RIC1: variants seen among roughly 807,000 people sequenced by gnomAD.
The protein encoded by RIC1 is guanine nucleotide exchange factor subunit RIC1.
In RIC1, 88 loss-of-function variants were observed where a neutral mutation model predicts 169.0. The ratio of observed to expected loss-of-function variants is 0.52; its 90% confidence interval spans 0.44 to 0.62. The LOEUF (loss-of-function observed/expected upper bound fraction) is 0.62, where lower values mean the gene tolerates loss of function less well. RIC1 is among the 20% of genes least tolerant of loss of function. The probability of loss-of-function intolerance (pLI) is 0.00; values close to 1 mark genes in which losing one functional copy is unlikely to be tolerated. For synonymous variants in RIC1, 790 were observed against 601.5 expected (o/e 1.31, Z -4.59); for missense variants, 1,877 against 1,725.5 (o/e 1.09, Z -1.56).
chr9:5,654,892 G>A (rs1181186230), intron 1 of RIC1, among the ~76,000 whole-genome samples: 1 of 152,014 alleles, frequency 6.6e-6, no homozygotes, highest in Non-Finnish European at 1.5e-5. Context: ...CTTTTTTATT[G>A]CTGGTATATA....
chr9:5,736,217 G>A (rs1824694026), intron 7 of RIC1, among the ~76,000 whole-genome samples: 1 of 152,174 alleles, frequency 6.6e-6, no homozygotes, highest in Non-Finnish European at 1.5e-5. Context: ...ACTTAGTGCT[G>A]TCTCTCAGCA....
At chr9:5,690,442 A>G (rs563545765) in intron 3 of RIC1, among the ~76,000 whole-genome samples, 72 of 152,148 alleles carry the variant, frequency 4.7e-4, no homozygotes, top group African/African-American at 1.6e-3. Context: ...TCTTGGTTTA[A>G]ATTTGGGAAA....
intron 1 of RIC1, among the ~76,000 whole-genome samples, chr9:5,645,618 G>C (rs1190984890): frequency 6.6e-6 from 1 of 152,066 alleles, no homozygotes; most frequent in Non-Finnish European, 1.5e-5. Context: ...AATTTGATTT[G>C]TGTGGGTACC....
At chr9:5,705,072 G>C (rs965610235) in intron 3 of RIC1, among the ~76,000 whole-genome samples, 11 of 152,074 alleles carry the variant, frequency 7.2e-5, no homozygotes, top group Non-Finnish European at 4.4e-5. Flanking sequence ...TAGCTTTGCA[G>C]TAGGTTTTGT....
intron 17 of RIC1, among the ~76,000 whole-genome samples, chr9:5,759,802 G>A (rs1345837172): frequency 6.6e-6 from 1 of 152,136 alleles, no homozygotes; most frequent in Non-Finnish European, 1.5e-5. Context: ...GATGGATGGA[G>A]CACATAAGGC....
intron 5 of RIC1, 61 bp from the exon 6 acceptor site, chr9:5,720,553 A>C (rs1823524069): frequency 6.8e-7 from 1 of 1,481,048 alleles, no homozygotes; most frequent in South Asian, 1.4e-5. Context: ...TTCTGGCAAA[A>C]AGTGAGAGAG....
intron 1 of RIC1, among the ~76,000 whole-genome samples, chr9:5,654,134 G>A (rs1249153752): frequency 2.0e-5 from 3 of 152,168 alleles, no homozygotes; most frequent in African/African-American, 7.2e-5. Flanking sequence ...GAGTAGCTGG[G>A]ACTACAGGTG....
rs913391344 is a variant in RIC1, at chr9:5,763,713, C to G, written c.2686C>G (p.Leu896Val). 1.2e-6 allele frequency: 2 copies of G among 1,614,202 alleles called. No homozygotes were observed. Among genetic ancestry groups the G allele is most frequent in the Non-Finnish European group, 1.7e-6 (2 of 1,180,038 alleles). ...GGCAAAATTTATCACTGAGTTCCCC[C>G]TCTTCCTGCAGACAGTTGTCCATTG... is the stretch of plus-strand genomic sequence containing the variant. Reference protein sequence around the residue: ...TVAKFITEFPLFLQTVVHCAR... With the variant: ...TVAKFITEFPVFLQTVVHCAR... Residue 896 changes from leucine (L) to valine (V), a missense_variant, in exon 19 of 26, where the codon CTC (leucine) becomes GTC (valine). Leu to Val is a conservative substitution (Grantham distance 32). This residue lies in a region of RIC1 where 92 missense variants were observed against 151.5 expected (regional missense o/e 0.61). Coordinates refer to ENST00000414202, the MANE Select transcript of RIC1 (RefSeq NM_020829.4). The surrounding 1 kb of genome is among the most constrained non-coding windows in gnomAD (Gnocchi z 5.2).
chr9:5,745,616 C>G (rs986204557), intron 10 of RIC1, among the ~76,000 whole-genome samples: 2 of 152,038 alleles, frequency 1.3e-5, no homozygotes, highest in African/African-American at 2.4e-5. Context: ...TGAGAGGCAG[C>G]TAAATTAAAG....
At chr9:5,777,602 C>G (rs1315199412), downstream of RIC1, among the ~76,000 whole-genome samples, 1 of 152,020 alleles carries the variant, frequency 6.6e-6, no homozygotes, top group Non-Finnish European at 1.5e-5. Context: ...ATATTTACGA[C>G]TAAGTTTTAA....
intron 2 of RIC1, among the ~76,000 whole-genome samples, chr9:5,670,492 G>A (rs1299228282): frequency 6.6e-6 from 1 of 152,146 alleles, no homozygotes; most frequent in Non-Finnish European, 1.5e-5. Context: ...TAGCTGTTGG[G>A]AGAGTTGGTC....
chr9:5,664,648 A>G, intron 2 of RIC1, among the ~76,000 whole-genome samples: 1 of 152,062 alleles, frequency 6.6e-6, no homozygotes, highest in South Asian at 2.1e-4. Context: ...CTGAATTTGA[A>G]TGTTGGCCTG....
chr9:5,756,368 G>T lies in RIC1; in HGVS notation c.1849G>T (p.Asp617Tyr). The change falls in exon 16 of 26, where the codon GAT (aspartate) becomes TAT (tyrosine). Residue 617 changes from aspartate (D) to tyrosine (Y), a missense_variant. By Grantham distance (160) the Asp-to-Tyr change is radical (BLOSUM62 -3). Transcript: ENST00000414202. ...ICLYSIERKS[D>Y]GPNTTAGIQV... The stretch of plus-strand genomic sequence containing the variant: ...CCTTTACAGTATTGAAAGAAAATCT[G>T]ATGGGTAAGTATCTGGCATATGAGA... The T allele has an allele frequency of 6.8e-7, 1 of 1,466,168 alleles. No individual in the cohort carries two copies. The highest frequency in any genetic ancestry group is 1.5e-5 in the South Asian group (1 of 66,144). The allele number at this position is 1,466,168 out of a possible 1,614,324, so 90.8% of individuals were successfully genotyped here. A position where few individuals can be genotyped will look rare whatever the true frequency, so the allele number is the denominator to read the frequency against.
chr9:5,700,256 AATAG>A (rs1822135373), intron 3 of RIC1, among the ~76,000 whole-genome samples: 1 of 152,178 alleles, frequency 6.6e-6, no homozygotes, highest in African/African-American at 2.4e-5. Context: ...GTTAATCTCA[AATAG>A]ATAGAAATTT....
At chr9:5,765,599 T>C in intron 20 of RIC1, 27 bp downstream of exon 20, 1 of 1,614,012 alleles carries the variant, frequency 6.2e-7, no homozygotes, top group South Asian at 1.1e-5. Context: ...ACACATCTTC[T>C]CTAGGCCATA....
At chr9:5,655,386 C>T (rs1159310338) in intron 1 of RIC1, among the ~76,000 whole-genome samples, 5 of 152,132 alleles carry the variant, frequency 3.3e-5, no homozygotes, top group African/African-American at 1.2e-4. Context: ...CTGCAACCTC[C>T]ACCTCTCAGG....
intron 2 of RIC1, among the ~76,000 whole-genome samples, chr9:5,674,633 C>G (rs1389458021): frequency 2.0e-5 from 3 of 152,218 alleles, no homozygotes; most frequent in Admixed American, 1.3e-4. Flanking sequence ...CCACAAGTAG[C>G]TACTTATGTT....
At chr9:5,662,314 G>C (rs187645293) in intron 2 of RIC1, among the ~76,000 whole-genome samples, 1 of 152,188 alleles carries the variant, frequency 6.6e-6, no homozygotes, top group African/African-American at 2.4e-5. Flanking sequence ...GTCTCTGCCA[G>C]GTTTTGGTAT....
intron 2 of RIC1, among the ~76,000 whole-genome samples, chr9:5,671,162 TC>T (rs1820067818): frequency 6.6e-6 from 1 of 152,124 alleles, no homozygotes; most frequent in Admixed American, 6.5e-5. Flanking sequence ...CCTCTCCTCC[TC>T]CTAATGTCTT....
Sources: allele counts gnomAD v4.1 joint callset (sites outside exome capture counted in the v4.1 genomes callset), GRCh38; gene constraint gnomAD v4.1.1; regional missense constraint gnomAD v4.1.1; non-coding constraint Gnocchi (gnomAD v3.1); transcripts MANE v1.5; gene names NCBI Gene and HGNC (gene_info 2026-07-23, HGNC 2026-07-21).